The following CLIP1 variants were observed in gnomAD, a reference collection of about 807,000 sequenced individuals.
CLIP1 encodes CAP-Gly domain containing linker protein 1.
Under a neutral mutation model 161.6 loss-of-function variants are expected in CLIP1, and 66 were observed. The observed-to-expected ratio is 0.41, with a 90% CI of 0.33 to 0.50. The LOEUF is 0.50. CLIP1 is among the 20% of genes least tolerant of loss of function. The pLI is 0.27. For synonymous variants in CLIP1, 598 were observed against 626.2 expected (o/e 0.96, Z 0.67); for missense variants, 1,376 against 1,702.0 (o/e 0.81, Z 3.37).
In CLIP1 at chr12:122,274,034, A is replaced by G; in HGVS notation, c.4091+4T>C. 6.2e-7 allele frequency: 1 copy of G among 1,613,442 alleles called. No homozygotes were observed. The highest frequency in any genetic ancestry group is 8.5e-7 in the Non-Finnish European group (1 of 1,179,580). On this transcript the variant is annotated splice_donor_region_variant and intron_variant, in intron 25 of 25. Transcript: ENST00000620786. ...AGCAATCAGTATGTCTTCATATGAA[A>G]TACCTGTCATAATTGTTTAGGTCAT...
chr12:122,279,082 T>C lies in CLIP1; in HGVS notation c.3711A>G (p.Ile1237Met). Residue 1237 changes from isoleucine to methionine, a missense_variant, in exon 22 of 26, where the codon ATA (isoleucine) becomes ATG (methionine). Ile to Met is a conservative substitution (Grantham distance 10). Around this residue, in one of 6 missense-constraint regions of CLIP1, gnomAD observed 948 missense variants for 1,134.8 expected, o/e 0.84. Transcript: ENST00000620786. The surrounding 1 kb of genome is among the most constrained non-coding windows in gnomAD (Gnocchi z 4.5). ...CCTTTTCTGTGAGTAAGGCACTAGTTATACTGATGGATTTCTGCAAGGAAG... is the reference window on the plus strand; with the variant it reads ...CCTTTTCTGTGAGTAAGGCACTAGTCATACTGATGGATTTCTGCAAGGAAG... ...EKASLQKSIS[I>M]TSALLTEKDA... 1.9e-6 allele frequency: 3 copies of C among 1,613,536 alleles called. No homozygotes were observed. Among genetic ancestry groups the C allele is most frequent in the Non-Finnish European group, 1.7e-6 (2 of 1,179,886 alleles).
At chr12:122,339,525 A>G (rs1363301680) in intron 11 of CLIP1, among the ~76,000 whole-genome samples, 1 of 151,884 alleles carries the variant, frequency 6.6e-6, no homozygotes, top group Non-Finnish European at 1.5e-5. Context: ...TTTAGTAGAC[A>G]GGGGCCAGGC....
chr12:122,376,384 T>C (rs561954618), intron 3 of CLIP1, among the ~76,000 whole-genome samples: 2 of 152,058 alleles, frequency 1.3e-5, no homozygotes, highest in African/African-American at 4.8e-5. Context: ...AGTTCCTTGT[T>C]AGTATAGTGG....
intron 19 of CLIP1, among the ~76,000 whole-genome samples, chr12:122,315,262 A>C (rs1487179231): frequency 6.6e-6 from 1 of 152,230 alleles, no homozygotes; most frequent in Non-Finnish European, 1.5e-5. Flanking sequence ...AAACCCTTGA[A>C]GGGCAGGGAC....
intron 2 of CLIP1, 126 bp downstream of exon 2, chr12:122,380,242 C>CA (rs377693183): frequency 0.074 from 31,618 of 427,614 alleles, 8 homozygotes; most frequent in Non-Finnish European, 0.08. Flanking sequence ...GATTCCATCT[C>CA]AAAAAAAAAA....
chr12:122,362,020 C>T (rs1953855414), intron 4 of CLIP1, among the ~76,000 whole-genome samples: 1 of 151,548 alleles, frequency 6.6e-6, no homozygotes, highest in African/African-American at 2.4e-5. Flanking sequence ...GCGGCGCAAT[C>T]TCAGCTCACC....
At chr12:122,343,598 T>C (rs1366512416) in intron 10 of CLIP1, 1 of 152,234 alleles carries the variant, frequency 6.6e-6, no homozygotes, top group Non-Finnish European at 1.5e-5. Context: ...CAGACATTAG[T>C]ACGCACATGA....
In CLIP1 at chr12:122,377,794, T is replaced by G; in HGVS notation, c.252A>C (p.Pro84=). The change falls in exon 3 of 26, where the codon CCA becomes CCC. Residue 84 remains proline, a synonymous_variant. Transcript: ENST00000620786. ...IQFLGETQFA[P]GQWAGIVLDE... The stretch of plus-strand genomic sequence containing the variant: ...CTAAAACAATTCCAGCCCACTGGCC[T>G]GGTGCAAACTGGGTTTCTCCAAGAA... 7 of 1,614,046 alleles carry G rather than the reference T, an allele frequency of 4.3e-6. No individual in the cohort carries two copies. The highest frequency in any genetic ancestry group is 5.9e-6 in the Non-Finnish European group (7 of 1,180,016).
At chr12:122,338,959 C>T (rs564708134) in intron 11 of CLIP1, among the ~76,000 whole-genome samples, 36 of 152,222 alleles carry the variant, frequency 2.4e-4, no homozygotes, top group African/African-American at 8.7e-4. Flanking sequence ...CAGTCCTCAC[C>T]TCACCCCATT....
At chr12:122,284,923 T>C (rs1955788999) in intron 21 of CLIP1, among the ~76,000 whole-genome samples, 1 of 152,144 alleles carries the variant, frequency 6.6e-6, no homozygotes, top group South Asian at 2.1e-4. Flanking sequence ...TTTTTGAGCT[T>C]TAGTTTCATC....
intron 1 of CLIP1, chr12:122,396,521 A>ATCTGTGTTT (rs1283218556): frequency 6.6e-6 from 1 of 152,214 alleles, no homozygotes; most frequent in Admixed American, 6.6e-5. Context: ...GGTAATTTTT[A>ATCTGTGTTT]TCTGTGTTTT....
At position 122,422,519 on chromosome 12, in the gene CLIP1, A is replaced by G. The variant is rs1439242480; in HGVS notation, c.-107+2T>C. 1 of 142,258 alleles carries G rather than the reference A, an allele frequency of 7.0e-6. No homozygotes were observed. The highest frequency in any genetic ancestry group is 2.6e-5 in the African/African-American group (1 of 38,050). 8.8% of individuals were successfully genotyped at this position (142,258 alleles called of 1,614,324 possible). On this transcript the variant is annotated splice_donor_variant, in intron 1 of 25. Coordinates refer to ENST00000620786, the MANE Select transcript of CLIP1 (RefSeq NM_001247997.2). LOFTEE classifies it low-confidence loss of function (5UTR_SPLICE). ...AGAGGGCCCGCGCCGCCCCCTGCTC[A>G]CCTCCTCGGACGCCGCCGGTCGCCG...
chr12:122,377,815 A>G lies in CLIP1; in HGVS notation c.231T>C (p.Leu77=). 6.2e-7 allele frequency: 1 copy of G among 1,614,042 alleles called. No individual in the cohort carries two copies. The change falls in exon 3 of 26, where the codon CTT becomes CTC. Residue 77 remains leucine, a synonymous_variant. Coordinates refer to ENST00000620786, the MANE Select transcript of CLIP1 (RefSeq NM_001247997.2). The part of the protein sequence containing the change: ...NGNKPGFIQF[L]GETQFAPGQW... ...GGCCTGGTGCAAACTGGGTTTCTCC[A>G]AGAAACTGGATAAATCCAGGCTTAT...
chr12:122,411,858 A>G (rs1440999200), intron 1 of CLIP1, among the ~76,000 whole-genome samples: 2 of 152,088 alleles, frequency 1.3e-5, no homozygotes, highest in Admixed American at 1.3e-4. Flanking sequence ...CAAATGGGAG[A>G]AAAGGAAAAA....
rs148018350 is a variant in CLIP1 at position 122,329,189 on chromosome 12, T to C, written c.2868-763A>G. ...TAAAAATACAAAAATTAGCCAGGTG[T>C]GGTGGCGCATGCCTACAATCCCAGC... On this transcript the variant is annotated intron_variant, in intron 15 of 25. Coordinates refer to ENST00000620786, the MANE Select transcript of CLIP1 (RefSeq NM_001247997.2). Among the ~76,000 whole-genome samples the C allele has an allele frequency of 5.5e-3, 834 of 152,108 alleles. 5 individuals are homozygous for C. The highest frequency in any genetic ancestry group is 0.017 in the Admixed American group (260 of 15,284).
chr12:122,329,667 T>G (rs1951859476), intron 15 of CLIP1, among the ~76,000 whole-genome samples: 1 of 150,736 alleles, frequency 6.6e-6, no homozygotes, highest in Non-Finnish European at 1.5e-5. Context: ...AATAAATAAA[T>G]AAATAAATAA....
At chr12:122,332,915 T>G in intron 15 of CLIP1, 72 bp downstream of exon 15, 1 of 1,238,046 alleles carries the variant, frequency 8.1e-7, no homozygotes, top group African/African-American at 1.5e-5. Context: ...AAACATTTTG[T>G]CTCCCCTCCC....
At position 122,319,262 on chromosome 12, in the gene CLIP1, G is replaced by A. The variant is rs201714257; in HGVS notation, c.3336C>T (p.Thr1112=). 639 of 1,612,688 alleles carry A rather than the reference G, an allele frequency of 4.0e-4. 1 individual carries two copies. The highest frequency in any genetic ancestry group is 5.2e-4 in the Non-Finnish European group (611 of 1,178,620). ...KTETLASLED[T]KQTNAKLQNE... ...TCTGTAGTTTTGCATTTGTTTGCTT[G>A]GTGTCCTCCAAGGAGGCCAGAGTCT... The change falls in exon 18 of 26, where the codon ACC becomes ACT. Residue 1112 remains threonine (T), a synonymous_variant. Coordinates refer to ENST00000620786, the MANE Select transcript of CLIP1 (RefSeq NM_001247997.2).
At position 122,271,830 on chromosome 12, in the gene CLIP1, T is replaced by C. The variant is rs564169096; in HGVS notation, c.*1045A>G. ...CGTTGAATTTCTCATCGTACATTCA[T>C]CTAAAAACAGTAAAAAAACTTGTGA... On this transcript the variant is annotated 3_prime_UTR_variant, in exon 26 of 26. Coordinates refer to ENST00000620786, the MANE Select transcript of CLIP1 (RefSeq NM_001247997.2). The C allele has an allele frequency of 3.3e-5, 5 of 152,744 alleles. No homozygotes were observed. In the South Asian group the frequency reaches 1.0e-3, roughly 32 times the overall value. 9.5% of individuals were successfully genotyped at this position (152,744 alleles called of 1,614,324 possible).
Sources: allele counts gnomAD v4.1 joint callset (sites outside exome capture counted in the v4.1 genomes callset), GRCh38; gene constraint gnomAD v4.1.1; regional missense constraint gnomAD v4.1.1; non-coding constraint Gnocchi (gnomAD v3.1); transcripts MANE v1.5; gene names NCBI Gene and HGNC (gene_info 2026-07-23, HGNC 2026-07-21).